GALNT9: variants seen among roughly 807,000 people sequenced by gnomAD.
The protein encoded by GALNT9 is polypeptide N-acetylgalactosaminyltransferase 9, also known as GalNAc transferase 9.
In GALNT9, 47 loss-of-function variants were observed where a neutral mutation model predicts 63.1. The ratio of observed to expected loss-of-function variants is 0.75; its 90% CI spans 0.59 to 0.95. The LOEUF (loss-of-function observed/expected upper bound fraction) is 0.95. Ranked by LOEUF, GALNT9 falls within the 40% of genes least tolerant of loss-of-function variation. GALNT9 has a pLI of 0.00. For missense variants in GALNT9, 829 were observed against 874.8 expected (o/e 0.95, Z 0.66); for synonymous variants, 396 against 365.7 (o/e 1.08, Z -0.94).
Position 132,219,776 on chromosome 12 carries a change from G to A in GALNT9, c.1078-16086C>T, listed in dbSNP as rs112988853. Among the ~76,000 whole-genome samples the A allele has an allele frequency of 1.8e-3, 220 of 121,526 alleles. 2 individuals are homozygous for A. The highest frequency in any genetic ancestry group is 6.7e-3 in the African/African-American group (205 of 30,748). 79.7% of individuals were successfully genotyped at this position (121,526 alleles called of 152,430 possible). A position where few individuals can be genotyped will look rare whatever the true frequency, so the allele number is the denominator to read the frequency against. On this transcript the variant is annotated intron_variant, in intron 6 of 10. Transcript: ENST00000328957. Reference sequence around the variant, plus strand: ...GGGACACCTCCCCAGGGTGACACCCGCCCGGGTAAGGGGAAGGGACACCTC... The same window carrying A: ...GGGACACCTCCCCAGGGTGACACCCACCCGGGTAAGGGGAAGGGACACCTC...
chr12:132,253,186 C>T (rs1224289303), intron 5 of GALNT9, among the ~76,000 whole-genome samples: 1 of 152,184 alleles, frequency 6.6e-6, no homozygotes, highest in African/African-American at 2.4e-5. Context: ...ACCAGGAGTG[C>T]GGGAGGAGCA....
intron 6 of GALNT9, among the ~76,000 whole-genome samples, chr12:132,215,050 C>T (rs144661095): frequency 4.6e-5 from 7 of 152,382 alleles, no homozygotes; most frequent in Non-Finnish European, 8.8e-5. Context: ...GGCCTGTCAG[C>T]GTCCTCACCT....
intron 1 of GALNT9, 149 bp downstream of exon 1, chr12:132,328,817 C>T: frequency 3.0e-6 from 3 of 1,004,768 alleles, no homozygotes; most frequent in South Asian, 2.2e-5. Context: ...AAGGGGCTTC[C>T]GCGGCCCTTC....
intron 6 of GALNT9, among the ~76,000 whole-genome samples, chr12:132,207,786 C>T (rs1227442832): frequency 2.0e-5 from 3 of 152,156 alleles, no homozygotes; most frequent in Non-Finnish European, 2.9e-5. Flanking sequence ...CCACGGCTTG[C>T]GTGACCTGGC....
chr12:132,205,810 C>T (rs1400090975), intron 6 of GALNT9: 1 of 152,176 alleles, frequency 6.6e-6, no homozygotes, highest in Non-Finnish European at 1.5e-5. Context: ...TTTCTGTTCG[C>T]AGCGGGAAGG....
In GALNT9 at chr12:132,215,310, G is replaced by A. The variant is rs577887521; in HGVS notation, c.1078-11620C>T. The stretch of plus-strand genomic sequence containing the variant: ...GCTGCAATTTACCAGCCCTCCTGTC[G>A]GGCTGTAGGCCCCACACACGAGACA... On this transcript the variant is annotated intron_variant, in intron 6 of 10. Transcript: ENST00000328957. 1.2e-4 allele frequency among the ~76,000 whole-genome samples: 18 copies of A among 152,338 alleles called. No individual in the cohort carries two copies. In the South Asian group the frequency reaches 3.5e-3, roughly 30 times the overall value.
intron 6 of GALNT9, among the ~76,000 whole-genome samples, chr12:132,240,311 C>T (rs1012836890): frequency 3.9e-5 from 6 of 152,270 alleles, no homozygotes; most frequent in African/African-American, 7.2e-5. Flanking sequence ...AGCCCCGGCC[C>T]GGCTCTGGCC....
intron 1 of GALNT9, among the ~76,000 whole-genome samples, chr12:132,322,969 C>G (rs1457324748): frequency 6.6e-6 from 1 of 152,204 alleles, no homozygotes; most frequent in African/African-American, 2.4e-5. Context: ...GGCACTTCCT[C>G]GGGCTCGAGA....
Position 132,315,565 on chromosome 12 carries a change from G to C in GALNT9, c.238+13401C>G, listed in dbSNP as rs1441375654. 6.6e-6 allele frequency among the ~76,000 whole-genome samples: 1 copy of C among 152,218 alleles called. No homozygotes were observed. Among genetic ancestry groups the C allele is most frequent in the African/African-American group, 2.4e-5 (1 of 41,452 alleles). On this transcript the variant is annotated intron_variant, in intron 1 of 10. Coordinates refer to ENST00000328957, the MANE Select transcript of GALNT9 (RefSeq NM_001122636.2). This position sits in a 1 kb window ranked among gnomAD's most constrained non-coding sequence, Gnocchi z 6.1. ...GCTGATGCGACTGAACTATTCTGTGGAAAGTAAAAATAGCCCCTTTCTGCC... is the reference window on the plus strand; with the variant it reads ...GCTGATGCGACTGAACTATTCTGTGCAAAGTAAAAATAGCCCCTTTCTGCC...
chr12:132,266,129 C>T (rs182135413), intron 2 of GALNT9, among the ~76,000 whole-genome samples: 16 of 149,220 alleles, frequency 1.1e-4, no homozygotes, highest in East Asian at 2.0e-4. Flanking sequence ...CACAGCCAAC[C>T]GCGGGCCTGT....
chr12:132,247,716 G>A lies in GALNT9; in HGVS notation c.1077+194C>T, dbSNP rs879953743. ...CGCCCTCACCCCGTCCCCAGACACC[G>A]CGGCCTCACTCGCCCTCACCCCGTC... is the stretch of plus-strand genomic sequence containing the variant. On this transcript the variant is annotated intron_variant, in intron 6 of 10. Transcript: ENST00000328957. 16 of 879,816 alleles carry A rather than the reference G, an allele frequency of 1.8e-5. 1 individual carries two copies. The highest frequency in any genetic ancestry group is 9.9e-5 in the East Asian group (3 of 30,454). The allele number at this position is 879,816 out of a possible 1,614,324, so 54.5% of individuals were successfully genotyped here. A position where few individuals can be genotyped will look rare whatever the true frequency, so the allele number is the denominator to read the frequency against.
Position 132,228,836 on chromosome 12 carries a change from C to T in GALNT9, c.1077+19074G>A, listed in dbSNP as rs939371184. On this transcript the variant is annotated intron_variant, in intron 6 of 10. Coordinates refer to ENST00000328957, the MANE Select transcript of GALNT9 (RefSeq NM_001122636.2). ...CCTGACCTTTATTAAGCCTAATAGACGCGATGGACTCATTTTCCTCTAACT... is the reference window on the plus strand; with the variant it reads ...CCTGACCTTTATTAAGCCTAATAGATGCGATGGACTCATTTTCCTCTAACT... 1.3e-3 allele frequency among the ~76,000 whole-genome samples: 199 copies of T among 152,308 alleles called. 1 individual carries two copies. Among genetic ancestry groups the T allele is most frequent in the African/African-American group, 4.5e-3 (186 of 41,574 alleles).
In GALNT9 at chr12:132,203,702, CGGCGCTG is replaced by C; in HGVS notation, c.1078-19_1078-13del. ...CCACACTGCCACACCTGCGGGGAGA[CGGCGCTG>C]GGTGCCGGCGTCCTTCCCAACGGAA... On this transcript the variant is annotated splice_polypyrimidine_tract_variant and intron_variant, in intron 6 of 10. Coordinates refer to ENST00000328957, the MANE Select transcript of GALNT9 (RefSeq NM_001122636.2). 7 of 1,608,626 alleles carry C rather than the reference CGGCGCTG, an allele frequency of 4.4e-6. No homozygotes were observed. The highest frequency in any genetic ancestry group is 1.1e-5 in the South Asian group (1 of 90,944).
At chr12:132,292,843 A>T (rs539263686) in intron 1 of GALNT9, among the ~76,000 whole-genome samples, 3 of 152,344 alleles carry the variant, frequency 2.0e-5, no homozygotes, top group African/African-American at 7.2e-5. Context: ...GGTGGAATCC[A>T]TGGGACACTC....
chr12:132,304,883 ACCGGGGCACAC>A (rs1881516201), intron 1 of GALNT9, among the ~76,000 whole-genome samples: 1 of 30,216 alleles, frequency 3.3e-5, no homozygotes, highest in African/African-American at 1.7e-4. Flanking sequence ...ACACACCCTC[ACCGGGGCACAC>A]CCTCGCCCGG....
At position 132,201,200 on chromosome 12, in the gene GALNT9, CACTTCA is replaced by C; in HGVS notation, c.1319_1324del (p.Leu440_Cys442delinsArg). ...CTCCAGGTACCACTTGAAGCTGCGA[CACTTCA>C]GCCTCTGACGCAGGGCCAGCCTCTC... On this transcript the variant is annotated inframe_deletion, in exon 8 of 11. Transcript: ENST00000328957. The C allele has an allele frequency of 6.2e-7, 1 of 1,613,086 alleles. No homozygotes were observed. The highest frequency in any genetic ancestry group is 8.5e-7 in the Non-Finnish European group (1 of 1,179,226).
chr12:132,226,325 T>C (rs1877685586), intron 6 of GALNT9, among the ~76,000 whole-genome samples: 1 of 138,112 alleles, frequency 7.2e-6, no homozygotes, highest in Non-Finnish European at 1.5e-5. Context: ...ATACTGTACA[T>C]ACACCTCACA....
chr12:132,250,722 C>T (rs1398596505), intron 5 of GALNT9, among the ~76,000 whole-genome samples: 2 of 152,154 alleles, frequency 1.3e-5, no homozygotes, highest in African/African-American at 2.4e-5. Flanking sequence ...ACCTGGGAGG[C>T]GGAGGTTGCA....
At chr12:132,209,221 T>C (rs1872178382) in intron 6 of GALNT9, among the ~76,000 whole-genome samples, 1 of 152,086 alleles carries the variant, frequency 6.6e-6, no homozygotes, top group South Asian at 2.1e-4. Context: ...CACAAAGACC[T>C]TGCTGATAAA....
Sources: allele counts gnomAD v4.1 joint callset (sites outside exome capture counted in the v4.1 genomes callset), GRCh38; gene constraint gnomAD v4.1.1; non-coding constraint Gnocchi (gnomAD v3.1); transcripts MANE v1.5; gene names NCBI Gene and HGNC (gene_info 2026-07-23, HGNC 2026-07-21).